RUNX1T1: variants seen among roughly 807,000 people sequenced by gnomAD.
RUNX1T1 encodes protein CBFA2T1.
A neutral mutation model predicts 62.8 loss-of-function variants in RUNX1T1; 4 were observed. The ratio of observed to expected loss-of-function variants is 0.06; its 90% CI spans 0.03 to 0.15. The LOEUF (loss-of-function observed/expected upper bound fraction) is 0.15, where lower values mean the gene tolerates loss of function less well. Ranked by LOEUF, RUNX1T1 falls within the 10% of genes least tolerant of loss-of-function variation. The pLI is 1.00. For missense variants in RUNX1T1, 508 were observed against 754.3 expected, an observed-to-expected ratio of 0.67 and a Z score of 3.82; for synonymous variants, 291 against 286.0, an observed-to-expected ratio of 1.02 and a Z score of -0.18.
intron 1 of RUNX1T1, among the ~76,000 whole-genome samples, chr8:92,027,071 G>A (rs1223340509): frequency 6.8e-6 from 1 of 147,246 alleles, no homozygotes; most frequent in Non-Finnish European, 1.5e-5. Flanking sequence ...AGTCGAGATC[G>A]CGCCACTGCG....
intron 1 of RUNX1T1, among the ~76,000 whole-genome samples, chr8:92,023,454 T>C (rs556362877): frequency 2.0e-4 from 31 of 152,338 alleles, no homozygotes; most frequent in African/African-American, 7.5e-4. Context: ...TCTGTTCACA[T>C]AAATTTCCAT....
intron 1 of RUNX1T1, chr8:92,081,378 A>G: frequency 3.3e-6 from 1 of 299,608 alleles, no homozygotes; most frequent in Non-Finnish European, 4.9e-6. Context: ...TATCAGTACA[A>G]TCATAATCTT....
intron 6 of RUNX1T1, among the ~76,000 whole-genome samples, chr8:91,987,528 T>C (rs1486891829): frequency 6.6e-6 from 1 of 152,134 alleles, no homozygotes; most frequent in Non-Finnish European, 1.5e-5. Context: ...GAGCTACATA[T>C]ACTCATTCAG....
At chr8:92,077,469 G>A (rs1407773007) in intron 1 of RUNX1T1, among the ~76,000 whole-genome samples, 1 of 152,048 alleles carries the variant, frequency 6.6e-6, no homozygotes, top group Non-Finnish European at 1.5e-5. Context: ...GGGGAAGACT[G>A]AAAGTAAATA....
intron 2 of RUNX1T1, among the ~76,000 whole-genome samples, chr8:92,070,077 T>C (rs1833456329): frequency 1.3e-5 from 2 of 152,230 alleles, no homozygotes; most frequent in African/African-American, 4.8e-5. Context: ...AGTGCAAGTC[T>C]CCAAACCCAA....
At chr8:92,004,880 T>A in intron 5 of RUNX1T1, 1 of 411,946 alleles carries the variant, frequency 2.4e-6, no homozygotes, top group East Asian at 3.9e-5. Context: ...CCATTTCGCT[T>A]TAATACTACA....
chr8:92,080,991 T>A (rs1369716968), intron 1 of RUNX1T1, among the ~76,000 whole-genome samples: 1 of 152,228 alleles, frequency 6.6e-6, no homozygotes, highest in Non-Finnish European at 1.5e-5. Flanking sequence ...GCAGATATAA[T>A]TTAATTTTCA....
intron 1 of RUNX1T1, among the ~76,000 whole-genome samples, chr8:92,036,337 T>TTC (rs1210788025): frequency 2.0e-5 from 3 of 152,204 alleles, no homozygotes; most frequent in Admixed American, 2.0e-4. Context: ...CAGGAAAGTG[T>TTC]TCTCAATTTT....
chr8:92,039,304 GC>G (rs1828006302), intron 1 of RUNX1T1, among the ~76,000 whole-genome samples: 1 of 152,024 alleles, frequency 6.6e-6, no homozygotes, highest in Non-Finnish European at 1.5e-5. Context: ...ACCACGCCTG[GC>G]CCAAAAGGCT....
chr8:91,967,279 T>A (rs550988802), intron 10 of RUNX1T1, among the ~76,000 whole-genome samples: 3 of 152,278 alleles, frequency 2.0e-5, no homozygotes, highest in East Asian at 3.9e-4. Context: ...CCCATGAGCC[T>A]GGGATGGCCT....
intron 10 of RUNX1T1, 103 bp downstream of exon 11, chr8:91,970,555 T>G: frequency 9.1e-7 from 1 of 1,100,722 alleles, no homozygotes; most frequent in South Asian, 2.1e-5. Context: ...TGTTCTAAAT[T>G]TTTTTCCAAA....
At chr8:92,034,591 C>T (rs1444658575) in intron 1 of RUNX1T1, among the ~76,000 whole-genome samples, 2 of 151,838 alleles carry the variant, frequency 1.3e-5, no homozygotes, top group African/African-American at 2.4e-5. Context: ...TAGTTTATTG[C>T]AGCACTATTC....
intron 1 of RUNX1T1, among the ~76,000 whole-genome samples, chr8:92,034,715 C>CAT (rs895066249): frequency 6.7e-6 from 1 of 149,508 alleles, no homozygotes; most frequent in African/African-American, 2.5e-5. Context: ...TATATATACA[C>CAT]ATATATATAC....
At chr8:92,071,624 G>A (rs1053121875) in intron 2 of RUNX1T1, among the ~76,000 whole-genome samples, 4 of 152,126 alleles carry the variant, frequency 2.6e-5, no homozygotes, top group African/African-American at 9.7e-5. Flanking sequence ...CCGAAAGAAA[G>A]GAACCCAGGG....
At chr8:92,082,644 G>A (rs1835453795) in intron 1 of RUNX1T1, among the ~76,000 whole-genome samples, 1 of 152,176 alleles carries the variant, frequency 6.6e-6, no homozygotes, top group Non-Finnish European at 1.5e-5. Context: ...AAAAAACAGT[G>A]AGACTCTTTA....
downstream of RUNX1T1, chr8:91,958,307 A>C: frequency 5.0e-6 from 1 of 198,028 alleles, no homozygotes; most frequent in East Asian, 7.4e-5. Context: ...TGGACAACGA[A>C]GGGTTAATGG....
At chr8:92,020,100 G>T (rs1051160099) in intron 1 of RUNX1T1, among the ~76,000 whole-genome samples, 1 of 152,116 alleles carries the variant, frequency 6.6e-6, no homozygotes, top group Admixed American at 6.5e-5. Flanking sequence ...GACAAAGTGG[G>T]ACCATATGTA....
chr8:91,980,487 T>A (rs1814986631), intron 8 of RUNX1T1, among the ~76,000 whole-genome samples: 1 of 152,194 alleles, frequency 6.6e-6, no homozygotes, highest in African/African-American at 2.4e-5. Flanking sequence ...ATTTACTACA[T>A]TTAAGACAGG....
Position 92,015,841 on chromosome 8 carries a change from A to G in RUNX1T1, c.146-1021T>C, listed in dbSNP as rs1822883535. Among the ~76,000 whole-genome samples, 2 of 152,230 alleles carry G rather than the reference A, an allele frequency of 1.3e-5. 1 individual carries two copies. The highest frequency in any genetic ancestry group is 4.1e-4 in the South Asian group (2 of 4,830). On this transcript the variant is annotated intron_variant, in intron 2 of 10. Coordinates refer to ENST00000396218, the Ensembl canonical transcript of RUNX1T1. ...CTTGTCACAACTGAGTATCATAATA[A>G]CCTGTCAAGAAATGCCAGCTCACCA...
Sources: allele counts gnomAD v4.1 joint callset (sites outside exome capture counted in the v4.1 genomes callset), GRCh38; gene constraint gnomAD v4.1.1; transcripts MANE v1.5; gene names NCBI Gene and HGNC (gene_info 2026-07-23, HGNC 2026-07-21).